LHX4: variants seen among roughly 807,000 people sequenced by gnomAD.
LHX4 encodes the protein LIM/homeobox protein Lhx4.
Under a neutral mutation model 39.2 loss-of-function variants are expected in LHX4, and 16 were observed. The ratio of observed to expected loss-of-function variants is 0.41; its 90% CI spans 0.28 to 0.62. LHX4 has a LOEUF of 0.62. LHX4 is among the 20% of genes least tolerant of loss of function. The pLI, the probability that LHX4 is intolerant of heterozygous loss-of-function variation, is 0.33. For synonymous variants in LHX4, 206 were observed against 198.1 expected, an observed-to-expected ratio of 1.04 and a Z score of -0.33; for missense variants, 439 against 511.9, an observed-to-expected ratio of 0.86 and a Z score of 1.37.
rs1436255188 is a variant in LHX4, at chr1:180,230,473, TAGAGCGAG to T, written c.-45_-38del. On this transcript the variant is annotated 5_prime_UTR_variant, in exon 1 of 6. Coordinates refer to ENST00000263726, the MANE Select transcript of LHX4 (RefSeq NM_033343.4). The surrounding 1 kb of genome is among the most constrained non-coding windows in gnomAD (Gnocchi z 5.8). ...TTATTTTGAAATTTCTGAATCGAGC[TAGAGCGAG>T]AGAGCGAGAGATCTCCGTAGACTGC... 6.3e-6 allele frequency: 9 copies of T among 1,425,286 alleles called. No homozygotes were observed. The highest frequency in any genetic ancestry group is 7.9e-6 in the Non-Finnish European group (8 of 1,011,510). The allele number at this position is 1,425,286 out of a possible 1,614,324, so 88.3% of individuals were successfully genotyped here.
chr1:180,239,868 A>C (rs901295623), intron 1 of LHX4, among the ~76,000 whole-genome samples: 1 of 152,188 alleles, frequency 6.6e-6, no homozygotes. Context: ...TTTCACAGAC[A>C]CAGCCGCCCC....
chr1:180,229,647 C>T (rs1418307159), upstream of LHX4, among the ~76,000 whole-genome samples: 1 of 151,608 alleles, frequency 6.6e-6, no homozygotes, highest in Non-Finnish European at 1.5e-5. Context: ...ATGGAGTCAT[C>T]GGTTACGGAG....
rs963908659 is a variant in LHX4, at chr1:180,234,861, G to C, written c.76+4256G>C. Among the ~76,000 whole-genome samples the C allele has an allele frequency of 1.3e-5, 2 of 152,230 alleles. No homozygotes were observed. Among genetic ancestry groups the C allele is most frequent in the African/African-American group, 2.4e-5 (1 of 41,466 alleles). Reference sequence around the variant, plus strand: ...GTGGCGTCCTAGGGTCTGGGAGCGCGACCCACATGACCTCGCTACGACCGG... The same window carrying C: ...GTGGCGTCCTAGGGTCTGGGAGCGCCACCCACATGACCTCGCTACGACCGG... On this transcript the variant is annotated intron_variant, in intron 1 of 5. Coordinates refer to ENST00000263726, the MANE Select transcript of LHX4 (RefSeq NM_033343.4). The surrounding 1 kb of genome is among the most constrained non-coding windows in gnomAD (Gnocchi z 4.8).
chr1:180,234,332 A>G lies in LHX4; in HGVS notation c.76+3727A>G, dbSNP rs1196776574. Among the ~76,000 whole-genome samples the G allele has an allele frequency of 1.3e-5, 2 of 151,432 alleles. No individual in the cohort carries two copies. The highest frequency in any genetic ancestry group is 3.0e-5 in the Non-Finnish European group (2 of 67,788). On this transcript the variant is annotated intron_variant, in intron 1 of 5. Coordinates refer to ENST00000263726, the MANE Select transcript of LHX4 (RefSeq NM_033343.4). This position sits in a 1 kb window ranked among gnomAD's most constrained non-coding sequence, Gnocchi z 4.8. The stretch of plus-strand genomic sequence containing the variant: ...TATTCTCAGGCAGGAGACAATTTTT[A>G]CAGATGAGGTCAGCTGTCCCCGCCG...
chr1:180,246,136 G>T (rs116306288), intron 1 of LHX4, among the ~76,000 whole-genome samples: 1 of 152,190 alleles, frequency 6.6e-6, no homozygotes, highest in Non-Finnish European at 1.5e-5. Context: ...TGACTTCCAC[G>T]CAAATACTGG....
intron 2 of LHX4, among the ~76,000 whole-genome samples, chr1:180,264,252 C>A (rs1358764374): frequency 6.6e-6 from 1 of 152,200 alleles, no homozygotes; most frequent in Non-Finnish European, 1.5e-5. Context: ...ACACCTGGTG[C>A]CTTGTTTCAT....
intron 2 of LHX4, among the ~76,000 whole-genome samples, chr1:180,262,697 GA>G (rs1648156125): frequency 7.1e-6 from 1 of 139,870 alleles, no homozygotes; most frequent in Non-Finnish European, 1.6e-5. Flanking sequence ...AAAAAAAAAA[GA>G]AAAGAAAAGA....
chr1:180,242,635 T>G (rs1355980362), intron 1 of LHX4, among the ~76,000 whole-genome samples: 1 of 152,182 alleles, frequency 6.6e-6, no homozygotes, highest in African/African-American at 2.4e-5. Context: ...AATGCTCTGG[T>G]GGGCGGGCCT....
At chr1:180,268,679 A>G (rs553530542) in intron 3 of LHX4, among the ~76,000 whole-genome samples, 13 of 152,330 alleles carry the variant, frequency 8.5e-5, no homozygotes, top group Admixed American at 5.9e-4. Context: ...GTGGAGGAGA[A>G]GTGCAAACAG....
rs1648990806 is a variant in LHX4, at chr1:180,275,788, C to T, written c.*1209C>T. 1.3e-5 allele frequency: 2 copies of T among 152,244 alleles called. No individual in the cohort carries two copies. Among genetic ancestry groups the T allele is most frequent in the South Asian group, 4.1e-4 (2 of 4,834 alleles). 9.4% of individuals were successfully genotyped at this position (152,244 alleles called of 1,614,324 possible). A position where few individuals can be genotyped will look rare whatever the true frequency, so the allele number is the denominator to read the frequency against. On this transcript the variant is annotated 3_prime_UTR_variant, in exon 6 of 6. Coordinates refer to ENST00000263726, the MANE Select transcript of LHX4 (RefSeq NM_033343.4). ...ATCTCTCTGGATTGCTGGCTGGACACCTGCCATGCCTTGGGCTGCAGTCCC... is the reference window on the plus strand; with the variant it reads ...ATCTCTCTGGATTGCTGGCTGGACATCTGCCATGCCTTGGGCTGCAGTCCC...
chr1:180,231,486 G>C (rs1351982055), intron 1 of LHX4, among the ~76,000 whole-genome samples: 1 of 151,222 alleles, frequency 6.6e-6, no homozygotes, highest in Non-Finnish European at 1.5e-5. Flanking sequence ...ATCCGTCTCT[G>C]TGCTTCACTC....
In LHX4 at chr1:180,277,672, A is replaced by ACTTG. The variant is rs1649115461; in HGVS notation, c.*3096_*3099dup. On this transcript the variant is annotated 3_prime_UTR_variant, in exon 6 of 6. Coordinates refer to ENST00000263726, the MANE Select transcript of LHX4 (RefSeq NM_033343.4). ...GAGTCAGGTTCTTGGCCCTTCAAGG[A>ACTTG]CTTGCTATGCAACCTCAGGCAAATT... 2 of 152,326 alleles carry ACTTG rather than the reference A, an allele frequency of 1.3e-5. No individual in the cohort carries two copies. Among genetic ancestry groups the ACTTG allele is most frequent in the Non-Finnish European group, 2.9e-5 (2 of 68,034 alleles). The allele number at this position is 152,326 out of a possible 1,614,324, so 9.4% of individuals were successfully genotyped here.
intron 1 of LHX4, among the ~76,000 whole-genome samples, chr1:180,245,326 T>C (rs1164008420): frequency 1.3e-5 from 2 of 152,162 alleles, no homozygotes; most frequent in African/African-American, 4.8e-5. Context: ...CCACCCTTCA[T>C]AGACTGGTGG....
At chr1:180,249,640 T>C (rs995296022) in intron 2 of LHX4, among the ~76,000 whole-genome samples, 6 of 152,274 alleles carry the variant, frequency 3.9e-5, no homozygotes, top group South Asian at 4.1e-4. Flanking sequence ...TGGGGAGAAA[T>C]GTGAGTCCTG....
intron 2 of LHX4, among the ~76,000 whole-genome samples, chr1:180,264,570 C>T (rs72712992): frequency 0.025 from 3,803 of 152,272 alleles, 87 homozygotes; most frequent in African/African-American, 0.055. Flanking sequence ...CGGCCATCTC[C>T]GTGCACATCC....
At chr1:180,260,168 T>G in intron 2 of LHX4, among the ~76,000 whole-genome samples, 1 of 150,370 alleles carries the variant, frequency 6.7e-6, no homozygotes, top group Non-Finnish European at 1.5e-5. Context: ...GAGGTGAGGG[T>G]CGGATGAGAT....
intron 3 of LHX4, among the ~76,000 whole-genome samples, chr1:180,268,587 T>C (rs1648435617): frequency 6.6e-6 from 1 of 152,172 alleles, no homozygotes; most frequent in Admixed American, 6.5e-5. Flanking sequence ...TGGAGGATCA[T>C]AGCATCTGCC....
intron 3 of LHX4, chr1:180,270,460 G>C (rs1648577757): frequency 6.6e-6 from 1 of 152,208 alleles, no homozygotes; most frequent in Non-Finnish European, 1.5e-5. Flanking sequence ...AGTGCTGGGA[G>C]AGGAAACAAA....
intron 2 of LHX4, among the ~76,000 whole-genome samples, chr1:180,260,780 G>A (rs972969554): frequency 6.6e-6 from 1 of 151,796 alleles, no homozygotes; most frequent in Non-Finnish European, 1.5e-5. Flanking sequence ...CCCTCTCCTC[G>A]AGCTCCAGCC....
Sources: gnomAD v4.1 joint callset for allele counts (sites outside exome capture counted in the v4.1 genomes callset) on GRCh38, gnomAD v4.1.1 for gene constraint, Gnocchi (gnomAD v3.1) non-coding constraint, MANE v1.5 for transcripts, NCBI Gene and HGNC (gene_info 2026-07-23, HGNC 2026-07-21) for gene names.